MALRD1: variants seen among roughly 807,000 people sequenced by gnomAD.
The protein encoded by MALRD1 is MAM and LDL-receptor class A domain-containing protein 1.
A neutral mutation model predicts 242.1 loss-of-function variants in MALRD1; 247 were observed. The ratio of observed to expected loss-of-function variants is 1.02; its 90% CI spans 0.92 to 1.13. MALRD1 has a LOEUF of 1.13. Ranked by LOEUF, MALRD1 falls within the 50% of genes most tolerant of loss-of-function variation. The pLI, the probability that MALRD1 is intolerant of heterozygous loss-of-function variation, is 0.00. For synonymous variants in MALRD1, 995 were observed against 866.6 expected, an observed-to-expected ratio of 1.15 and a Z score of -2.60; for missense variants, 2,989 against 2,533.1, an observed-to-expected ratio of 1.18 and a Z score of -3.86.
chr10:19,457,284 T>TATC (rs1372256903), intron 29 of MALRD1, among the ~76,000 whole-genome samples: 9 of 152,154 alleles, frequency 5.9e-5, no homozygotes, highest in African/African-American at 2.2e-4. Context: ...GCACTTGACA[T>TATC]ATCTGTCAAG....
At chr10:19,119,700 G>T (rs2131372185) in intron 5 of MALRD1, among the ~76,000 whole-genome samples, 1 of 152,294 alleles carries the variant, frequency 6.6e-6, no homozygotes, top group East Asian at 1.9e-4. Context: ...CCAGCTGCAT[G>T]ACTCCTAAAC....
At chr10:19,345,416 A>G (rs113991384) in intron 24 of MALRD1, among the ~76,000 whole-genome samples, 6,153 of 152,170 alleles carry the variant, frequency 0.04, 200 homozygotes, top group African/African-American at 0.091. Context: ...CTTAACTAAG[A>G]CAGCGGTTCA....
chr10:19,082,305 G>A (rs994284092), intron 2 of MALRD1, among the ~76,000 whole-genome samples: 6 of 151,414 alleles, frequency 4.0e-5, no homozygotes, highest in Non-Finnish European at 1.5e-5. Flanking sequence ...ATATAGTTCT[G>A]TTCACTTCTT....
At position 19,331,423 on chromosome 10, in the gene MALRD1, G is replaced by A. The variant is rs1463066583; in HGVS notation, c.3742G>A (p.Asp1248Asn). The A allele has an allele frequency of 1.9e-6, 3 of 1,550,460 alleles. No homozygotes were observed. In the East Asian group the frequency reaches 7.3e-5, roughly 38 times the overall value. The change falls in exon 24 of 40, where the codon GAT becomes AAT. Residue 1248 changes from aspartate to asparagine, a missense_variant. Asp to Asn is a conservative substitution (Grantham distance 23). Transcript: ENST00000454679. ...ISYIGDVAVDDISFQDCSPLL... is the reference protein window; with the variant it reads ...ISYIGDVAVDNISFQDCSPLL... ...TTACATAGGAGATGTAGCAGTGGAT[G>A]ATATTTCCTTCCAAGATTGCTCCCC... is the stretch of plus-strand genomic sequence containing the variant.
chr10:19,346,259 A>G (rs1007377495), intron 24 of MALRD1, among the ~76,000 whole-genome samples: 2 of 152,194 alleles, frequency 1.3e-5, no homozygotes. Flanking sequence ...GACATTCTTA[A>G]AGAGTCATAT....
At chr10:19,611,195 TCTTATA>T (rs1218990185) in intron 35 of MALRD1, among the ~76,000 whole-genome samples, 1 of 151,920 alleles carries the variant, frequency 6.6e-6, no homozygotes, top group African/African-American at 2.4e-5. Flanking sequence ...ACATGAAGAA[TCTTATA>T]CTTAGAGTAC....
intron 32 of MALRD1, among the ~76,000 whole-genome samples, chr10:19,566,549 A>G (rs1340469054): frequency 1.3e-5 from 2 of 151,580 alleles, no homozygotes; most frequent in Non-Finnish European, 2.9e-5. Flanking sequence ...CTATTGCAAT[A>G]GAAGAAAATT....
chr10:19,305,796 CAT>C (rs926526637), intron 21 of MALRD1, among the ~76,000 whole-genome samples: 2 of 135,538 alleles, frequency 1.5e-5, no homozygotes, highest in African/African-American at 5.5e-5. Flanking sequence ...ATATATATAC[CAT>C]ATATATACTA....
chr10:19,408,776 A>G (rs1192467061), intron 28 of MALRD1, among the ~76,000 whole-genome samples: 1 of 152,192 alleles, frequency 6.6e-6, no homozygotes, highest in Non-Finnish European at 1.5e-5. Flanking sequence ...AATAACGTCA[A>G]TACCAAGTGC....
rs558818386 is a variant in MALRD1, at chr10:19,077,598, A to G, written c.341-10242A>G. Among the ~76,000 whole-genome samples the G allele has an allele frequency of 3.9e-5, 6 of 152,098 alleles. No individual in the cohort carries two copies. In the East Asian group the frequency reaches 7.8e-4, roughly 20 times the overall value. The stretch of plus-strand genomic sequence containing the variant: ...ACAATTTTCAAACAAGATGATATGG[A>G]TACTTTCTAACAGGTGTCTGAAGTG... On this transcript the variant is annotated intron_variant, in intron 2 of 39. Transcript: ENST00000454679.
chr10:19,523,476 C>T lies in MALRD1; in HGVS notation c.5321-7718C>T, dbSNP rs554335784. On this transcript the variant is annotated intron_variant, in intron 31 of 39. Transcript: ENST00000454679. ...AGCATCTACCATTTATTAGTTTTGCCTTCTCGCATGACCATGAAACAAGTT... is the reference window on the plus strand; with the variant it reads ...AGCATCTACCATTTATTAGTTTTGCTTTCTCGCATGACCATGAAACAAGTT... Among the ~76,000 whole-genome samples the T allele has an allele frequency of 7.2e-5, 11 of 152,262 alleles. No individual in the cohort carries two copies. The South Asian group carries it at 1.7e-3, about 23-fold the overall frequency.
At chr10:19,714,425 G>C (rs1420440763) in intron 38 of MALRD1, among the ~76,000 whole-genome samples, 3 of 152,162 alleles carry the variant, frequency 2.0e-5, no homozygotes, top group African/African-American at 4.8e-5. Flanking sequence ...TCTTCCACCA[G>C]AGTGTTCCTC....
At chr10:19,375,924 CCAT>C (rs1845569770) in intron 26 of MALRD1, among the ~76,000 whole-genome samples, 1 of 152,144 alleles carries the variant, frequency 6.6e-6, no homozygotes, top group Non-Finnish European at 1.5e-5. Flanking sequence ...CAGATCGAGA[CCAT>C]CCTGGCCAGT....
intron 4 of MALRD1, among the ~76,000 whole-genome samples, chr10:19,090,483 T>C (rs1223462378): frequency 2.8e-5 from 2 of 71,146 alleles, no homozygotes; most frequent in Non-Finnish European, 5.1e-5. Context: ...TTAAGGAGAT[T>C]TTGGGTTGAG....
rs992547699 is a variant in MALRD1 at position 19,653,969 on chromosome 10, G to A, written c.6137+38046G>A. On this transcript the variant is annotated intron_variant, in intron 36 of 39. Transcript: ENST00000454679. ...AATCCAAGTGCCACTAATCACAAGC[G>A]TTAACTTTTTAATTAAACTCTTTGT... Among the ~76,000 whole-genome samples, 57 of 152,106 alleles carry A rather than the reference G, an allele frequency of 3.7e-4. 1 individual carries two copies. The highest frequency in any genetic ancestry group is 1.6e-4 in the Non-Finnish European group (11 of 68,022).
chr10:19,389,606 C>T lies in MALRD1; in HGVS notation c.4842C>T (p.Ile1614=). 5.2e-6 allele frequency: 8 copies of T among 1,549,442 alleles called. No individual in the cohort carries two copies. Among genetic ancestry groups the T allele is most frequent in the Non-Finnish European group, 6.1e-6 (7 of 1,146,432 alleles). The change falls in exon 28 of 40, where the codon ATC becomes ATT. Residue 1614 remains isoleucine (I), a synonymous_variant. Coordinates refer to ENST00000454679, the MANE Select transcript of MALRD1 (RefSeq NM_001142308.3). Reference sequence around the variant, plus strand: ...CCACAGGATCCATTCAGATTCTCATCAAGGTAGGAACATGGCCTGTGATGC... The same window carrying T: ...CCACAGGATCCATTCAGATTCTCATTAAGGTAGGAACATGGCCTGTGATGC... ...AKATGSIQIL[I]KTEKGLSKVW...
At chr10:19,223,620 C>T (rs545358232) in intron 18 of MALRD1, among the ~76,000 whole-genome samples, 43 of 152,230 alleles carry the variant, frequency 2.8e-4, no homozygotes, top group African/African-American at 9.2e-4. Flanking sequence ...AATAGGTATA[C>T]ATGTGCTGTC....
At chr10:19,557,631 G>C (rs909266754) in intron 32 of MALRD1, among the ~76,000 whole-genome samples, 3 of 151,980 alleles carry the variant, frequency 2.0e-5, no homozygotes, top group African/African-American at 7.2e-5. Context: ...TCCATTATCA[G>C]TGTGTCTATT....
intron 38 of MALRD1, among the ~76,000 whole-genome samples, chr10:19,718,521 G>A (rs536229172): frequency 7.9e-5 from 12 of 152,252 alleles, no homozygotes; most frequent in African/African-American, 2.9e-4. Flanking sequence ...GCGATGTGGC[G>A]CTAAGCCTTT....
Sources: allele counts gnomAD v4.1 joint callset (sites outside exome capture counted in the v4.1 genomes callset), GRCh38; gene constraint gnomAD v4.1.1; transcripts MANE v1.5; gene names NCBI Gene and HGNC (gene_info 2026-07-23, HGNC 2026-07-21).